Variants in ZBTB46 observed in about 807,000 individuals in gnomAD.
ZBTB46 encodes zinc finger and BTB domain containing 46.
Under a neutral mutation model 44.1 loss-of-function variants are expected in ZBTB46, and 8 were observed. The ratio of observed to expected loss-of-function variants is 0.18; its 90% CI spans 0.11 to 0.33. The LOEUF (loss-of-function observed/expected upper bound fraction) is 0.33, where lower values mean the gene tolerates loss of function less well. Ranked by LOEUF, ZBTB46 falls within the 10% of genes least tolerant of loss-of-function variation. The pLI is 1.00. For missense variants in ZBTB46, 651 were observed against 847.7 expected (o/e 0.77, Z 2.88); for synonymous variants, 409 against 382.3 (o/e 1.07, Z -0.81).
intron 4 of ZBTB46, among the ~76,000 whole-genome samples, chr20:63,750,859 G>A (rs937981122): frequency 1.3e-5 from 2 of 151,602 alleles, no homozygotes; most frequent in East Asian, 1.9e-4. Flanking sequence ...GCTGTGTCAC[G>A]CCACTGCACT....
chr20:63,776,070 A>G, intron 2 of ZBTB46, 108 bp from the exon 3 acceptor site: 6 of 1,363,744 alleles, frequency 4.4e-6, no homozygotes, highest in Non-Finnish European at 5.8e-6. Context: ...CCTGAGCTAC[A>G]GAGCAGCATC....
At chr20:63,758,477 CCTG>C (rs1353668587) in intron 3 of ZBTB46, among the ~76,000 whole-genome samples, 1 of 151,926 alleles carries the variant, frequency 6.6e-6, no homozygotes, top group African/African-American at 2.4e-5. Flanking sequence ...GGCTGGTGGG[CCTG>C]CTATTCTGGA....
intron 3 of ZBTB46, among the ~76,000 whole-genome samples, chr20:63,774,619 C>T (rs2092405005): frequency 6.6e-6 from 1 of 152,078 alleles, no homozygotes; most frequent in Non-Finnish European, 1.5e-5. Flanking sequence ...GGTGCCAGCA[C>T]CAGGCCTTGC....
rs1028221441 is a variant in ZBTB46, at chr20:63,752,033, C to T, written c.1398+653G>A. ...TGCCTCTCCTCACACAGCTGCCCGC[C>T]GCGAGCTCCCCCTGCACCCTGCGCC... On this transcript the variant is annotated intron_variant, in intron 4 of 4. Transcript: ENST00000245663. The surrounding 1 kb of genome is among the most constrained non-coding windows in gnomAD (Gnocchi z 5.6). 1.2e-3 allele frequency among the ~76,000 whole-genome samples: 178 copies of T among 152,166 alleles called. No individual in the cohort carries two copies. The highest frequency in any genetic ancestry group is 2.6e-3 in the Admixed American group (40 of 15,296).
At chr20:63,783,902 T>C (rs2092490979) in intron 2 of ZBTB46, among the ~76,000 whole-genome samples, 1 of 152,040 alleles carries the variant, frequency 6.6e-6, no homozygotes, top group Admixed American at 6.6e-5. Flanking sequence ...CTGTGAAAGG[T>C]GTTCAGGAGG....
chr20:63,833,033 C>T (rs1020264897), upstream of ZBTB46, among the ~76,000 whole-genome samples: 5 of 152,154 alleles, frequency 3.3e-5, no homozygotes, highest in African/African-American at 1.2e-4. Context: ...TCCCGCAGAG[C>T]CTGCCCATGC....
intron 3 of ZBTB46, among the ~76,000 whole-genome samples, chr20:63,772,646 G>A (rs1195133113): frequency 1.3e-5 from 2 of 152,136 alleles, no homozygotes; most frequent in South Asian, 2.1e-4. Flanking sequence ...TGGAGCCCGG[G>A]AGGCAGAGGC....
At chr20:63,833,434 A>G (rs983052404), upstream of ZBTB46, among the ~76,000 whole-genome samples, 1 of 152,172 alleles carries the variant, frequency 6.6e-6, no homozygotes, top group Non-Finnish European at 1.5e-5. Context: ...TACTAAAAAT[A>G]CAAAAAATTA....
intron 1 of ZBTB46, among the ~76,000 whole-genome samples, chr20:63,827,622 A>C (rs1218862223): frequency 3.2e-4 from 47 of 149,168 alleles, no homozygotes; most frequent in Non-Finnish European, 6.7e-4. Flanking sequence ...CTCAAAAAAA[A>C]AAAAACAAAA....
chr20:63,760,434 G>A (rs1340179072), intron 3 of ZBTB46, among the ~76,000 whole-genome samples: 5 of 151,100 alleles, frequency 3.3e-5, no homozygotes, highest in South Asian at 2.1e-4. Flanking sequence ...TCCAATATCC[G>A]TTGATCACTT....
chr20:63,751,432 GGCCTGGAGT>G (rs1406707383), intron 4 of ZBTB46, among the ~76,000 whole-genome samples: 1 of 152,150 alleles, frequency 6.6e-6, no homozygotes, highest in Non-Finnish European at 1.5e-5. Context: ...GGCATCCGAG[GGCCTGGAGT>G]GGCCCTTCGC....
intron 1 of ZBTB46, among the ~76,000 whole-genome samples, chr20:63,817,489 C>T (rs181761005): frequency 1.3e-5 from 2 of 151,840 alleles, no homozygotes; most frequent in East Asian, 1.9e-4. Context: ...CCAAGGTGGG[C>T]GGATCACCTG....
intron 1 of ZBTB46, among the ~76,000 whole-genome samples, chr20:63,806,299 C>T (rs945660714): frequency 2.0e-5 from 3 of 149,352 alleles, no homozygotes; most frequent in Non-Finnish European, 4.4e-5. Context: ...CCCAGCTACT[C>T]GGGAGGCTGA....
At chr20:63,793,579 G>A (rs1476129264) in intron 1 of ZBTB46, among the ~76,000 whole-genome samples, 2 of 149,994 alleles carry the variant, frequency 1.3e-5, no homozygotes, top group East Asian at 1.9e-4. Flanking sequence ...TGAATAAAAC[G>A]TCTCTTTATT....
chr20:63,786,695 A>T (rs188472549), intron 2 of ZBTB46, among the ~76,000 whole-genome samples: 2 of 152,204 alleles, frequency 1.3e-5, no homozygotes, highest in East Asian at 3.9e-4. Context: ...TATATTTAGT[A>T]GAGACGGGGT....
chr20:63,772,001 CTT>C (rs11473575), intron 3 of ZBTB46, among the ~76,000 whole-genome samples: 17 of 138,854 alleles, frequency 1.2e-4, no homozygotes, highest in South Asian at 4.5e-4. Flanking sequence ...AGGGCAAATT[CTT>C]TTTTTTTTTT....
At chr20:63,794,113 G>A (rs1391281690) in intron 1 of ZBTB46, among the ~76,000 whole-genome samples, 3 of 151,538 alleles carry the variant, frequency 2.0e-5, no homozygotes, top group East Asian at 1.9e-4. Flanking sequence ...GTGAACCCGG[G>A]AGGCGGAGCT....
chr20:63,748,991 G>A (rs903942662), intron 4 of ZBTB46, among the ~76,000 whole-genome samples: 2 of 152,230 alleles, frequency 1.3e-5, no homozygotes, highest in Non-Finnish European at 2.9e-5. Flanking sequence ...TCCTGCCTCA[G>A]TGTTCCGAAT....
rs1478543509 is a variant in ZBTB46 at position 63,747,155 on chromosome 20, A to G, written c.1545T>C (p.His515=). Residue 515 remains histidine, a synonymous_variant, in exon 5 of 5, where the codon CAT becomes CAC. Transcript: ENST00000245663. ...GAGAGCCCTCGCCGCCTCCGCCGCC[A>G]TGGTCCAGGGGCCCGGCCATGCCGC... is the stretch of plus-strand genomic sequence containing the variant. ...AGRGMAGPLD[H]GGGGGEGSPE... is the part of the protein sequence containing the mutation. The G allele has an allele frequency of 3.7e-6, 6 of 1,609,904 alleles. No homozygotes were observed. The highest frequency in any genetic ancestry group is 1.1e-5 in the South Asian group (1 of 90,880).
Sources: allele counts gnomAD v4.1 joint callset (sites outside exome capture counted in the v4.1 genomes callset), GRCh38; gene constraint gnomAD v4.1.1; non-coding constraint Gnocchi (gnomAD v3.1); transcripts MANE v1.5; gene names NCBI Gene and HGNC (gene_info 2026-07-23, HGNC 2026-07-21).